The following SLC38A11 variants were observed in gnomAD, a reference collection of about 807,000 sequenced individuals.
The protein encoded by SLC38A11 is putative sodium-coupled neutral amino acid transporter 11.
A neutral mutation model predicts 49.4 loss-of-function variants in SLC38A11; 51 were observed. That is an observed-to-expected ratio of 1.03 (90% CI 0.83 to 1.30). The LOEUF (loss-of-function observed/expected upper bound fraction) is 1.30, where lower values mean the gene tolerates loss of function less well. Ranked by LOEUF, SLC38A11 falls within the 50% of genes most tolerant of loss-of-function variation. SLC38A11 has a pLI of 0.00. For missense variants in SLC38A11, 574 were observed against 556.2 expected (o/e 1.03, Z -0.32); for synonymous variants, 203 against 192.9 (o/e 1.05, Z -0.43).
rs772627240 is a variant in SLC38A11 at position 164,945,663 on chromosome 2, C to CAAAGACTG, written c.286_293dup (p.Leu98PhefsTer27). 4 of 1,610,984 alleles carry CAAAGACTG rather than the reference C, an allele frequency of 2.5e-6. No homozygotes were observed. Among genetic ancestry groups the CAAAGACTG allele is most frequent in the Non-Finnish European group, 2.5e-6 (3 of 1,179,254 alleles). On this transcript the variant is annotated frameshift_variant, in exon 4 of 12. Transcript: ENST00000685975. LOFTEE classifies it high-confidence loss of function. Reference sequence around the variant, plus strand: ...CTGGAAAGCCGAAAGTTTTATTGACCAAAGACTGGTAGGTATCTGTTCCAG... The same window carrying CAAAGACTG: ...CTGGAAAGCCGAAAGTTTTATTGACCAAAGACTGAAAGACTGGTAGGTATCTGTTCCAG...
intron 10 of SLC38A11, among the ~76,000 whole-genome samples, chr2:164,909,551 A>C (rs763891748): frequency 6.6e-6 from 1 of 151,336 alleles, no homozygotes; most frequent in Non-Finnish European, 1.5e-5. Context: ...GTCTCCTTAC[A>C]GTAATCTCCT....
At chr2:164,908,911 G>T in intron 10 of SLC38A11, 140 bp from the exon 11 acceptor site, 1 of 963,662 alleles carries the variant, frequency 1.0e-6, no homozygotes, top group Non-Finnish European at 1.5e-6. Context: ...CACTAGGAAT[G>T]TTCTATATTT....
At chr2:164,910,511 C>A (rs1249653843) in intron 10 of SLC38A11, among the ~76,000 whole-genome samples, 1 of 152,010 alleles carries the variant, frequency 6.6e-6, no homozygotes, top group East Asian at 1.9e-4. Flanking sequence ...AGAGAACTGG[C>A]CTGTGAGTTA....
chr2:164,955,289 G>T lies in SLC38A11; in HGVS notation c.-42C>A. ...TCAGCAGGTGGAAGATGCTGGGGCT[G>T]GGTACGGATTCGCACCCGGCCAGCC... is the stretch of plus-strand genomic sequence containing the variant. On this transcript the variant is annotated 5_prime_UTR_variant, in exon 1 of 12. Transcript: ENST00000685975. 2 of 1,544,992 alleles carry T rather than the reference G, an allele frequency of 1.3e-6. No individual in the cohort carries two copies. Among genetic ancestry groups the T allele is most frequent in the South Asian group, 1.2e-5 (1 of 83,932 alleles).
chr2:164,929,019 T>A (rs1331767484), intron 7 of SLC38A11, among the ~76,000 whole-genome samples: 1 of 152,150 alleles, frequency 6.6e-6, no homozygotes, highest in East Asian at 1.9e-4. Context: ...AGATGGTATT[T>A]TTTTAGAGCT....
At chr2:164,907,189 A>G (rs953731948) in intron 11 of SLC38A11, among the ~76,000 whole-genome samples, 1 of 151,716 alleles carries the variant, frequency 6.6e-6, no homozygotes, top group African/African-American at 2.4e-5. Flanking sequence ...TTCCCAATGG[A>G]ATCTGTGTCA....
chr2:164,923,175 A>T (rs577827585), intron 7 of SLC38A11, among the ~76,000 whole-genome samples: 1 of 152,332 alleles, frequency 6.6e-6, no homozygotes, highest in Non-Finnish European at 1.5e-5. Flanking sequence ...CGAGGAATTT[A>T]TGGCTAAGGC....
In SLC38A11 at chr2:164,915,096, G is replaced by C. The variant is rs748766527; in HGVS notation, c.850+16C>G. The C allele has an allele frequency of 1.3e-6, 2 of 1,597,792 alleles. No homozygotes were observed. Among genetic ancestry groups the C allele is most frequent in the Non-Finnish European group, 1.7e-6 (2 of 1,172,242 alleles). On this transcript the variant is annotated intron_variant, in intron 9 of 11. Coordinates refer to ENST00000685975, the MANE Select transcript of SLC38A11 (RefSeq NM_001351537.2). Reference sequence around the variant, plus strand: ...ACCAATGCACATGAACACTATAACTGAATCTCTCATTTTACCTTGGGTGAA... The same window carrying C: ...ACCAATGCACATGAACACTATAACTCAATCTCTCATTTTACCTTGGGTGAA...
chr2:164,918,389 A>C (rs1360512706), intron 7 of SLC38A11, among the ~76,000 whole-genome samples: 4 of 152,170 alleles, frequency 2.6e-5, no homozygotes, highest in Non-Finnish European at 5.9e-5. Flanking sequence ...GAAGGAAAGA[A>C]GCTTATGACC....
At chr2:164,898,769 A>G in intron 11 of SLC38A11, 39 bp from the exon 12 acceptor site, 1 of 1,568,708 alleles carries the variant, frequency 6.4e-7, no homozygotes, top group Non-Finnish European at 8.7e-7. Flanking sequence ...ATGTCACTAG[A>G]TGGAAACATT....
intron 7 of SLC38A11, among the ~76,000 whole-genome samples, chr2:164,918,311 A>T (rs1424596956): frequency 2.0e-5 from 3 of 152,086 alleles, no homozygotes; most frequent in Non-Finnish European, 4.4e-5. Flanking sequence ...ATATTAATAT[A>T]ATCAATATTT....
intron 3 of SLC38A11, among the ~76,000 whole-genome samples, chr2:164,947,543 C>A (rs1439806326): frequency 2.6e-5 from 4 of 152,134 alleles, no homozygotes; most frequent in Non-Finnish European, 5.9e-5. Flanking sequence ...AGACCCCCTT[C>A]AAAACTTCAG....
rs145219043 is a variant in SLC38A11, at chr2:164,898,066, A to AC, written c.*370dup. 34,531 of 112,882 alleles carry AC rather than the reference A, an allele frequency of 0.31. 4,864 individuals are homozygous for AC. The highest frequency in any genetic ancestry group is 0.5 in the South Asian group (1,800 of 3,572). 7.0% of individuals were successfully genotyped at this position (112,882 alleles called of 1,614,324 possible). On this transcript the variant is annotated 3_prime_UTR_variant, in exon 12 of 12. Transcript: ENST00000685975. Reference sequence around the variant, plus strand: ...GACAAAGAAAATGCCCACCCCCCACACCCCCCCACCAAAAGACATCTACAC... The same window carrying AC: ...GACAAAGAAAATGCCCACCCCCCACACCCCCCCCACCAAAAGACATCTACAC...
chr2:164,929,291 G>C (rs1321761966), intron 7 of SLC38A11, among the ~76,000 whole-genome samples: 2 of 152,040 alleles, frequency 1.3e-5, no homozygotes, highest in Non-Finnish European at 2.9e-5. Context: ...ACTGTCCTTT[G>C]GGATACCCTT....
At chr2:164,921,229 G>C (rs1028984919) in intron 7 of SLC38A11, among the ~76,000 whole-genome samples, 1 of 151,982 alleles carries the variant, frequency 6.6e-6, no homozygotes, top group Non-Finnish European at 1.5e-5. Flanking sequence ...AGGCTTAAAG[G>C]GTTGAAATAA....
intron 9 of SLC38A11, among the ~76,000 whole-genome samples, chr2:164,914,148 G>A (rs969802345): frequency 5.3e-5 from 8 of 152,036 alleles, no homozygotes; most frequent in African/African-American, 1.9e-4. Flanking sequence ...GCCAGCATGA[G>A]CAAGTTACTT....
At chr2:164,922,553 T>C (rs1686281676) in intron 7 of SLC38A11, among the ~76,000 whole-genome samples, 1 of 152,204 alleles carries the variant, frequency 6.6e-6, no homozygotes, top group Admixed American at 6.5e-5. Flanking sequence ...GGAATCACTC[T>C]GAACATTAAA....
intron 11 of SLC38A11, among the ~76,000 whole-genome samples, chr2:164,901,881 G>C (rs1426264289): frequency 6.6e-6 from 1 of 152,024 alleles, no homozygotes; most frequent in African/African-American, 2.4e-5. Flanking sequence ...TGTGATGTTA[G>C]CTGTAGGTTT....
intron 11 of SLC38A11, among the ~76,000 whole-genome samples, chr2:164,907,114 T>C (rs747533617): frequency 7.2e-5 from 11 of 152,124 alleles, no homozygotes; most frequent in Non-Finnish European, 1.2e-4. Context: ...CATTCCTGTC[T>C]TAGCAAATGA....
Sources: allele counts gnomAD v4.1 joint callset (sites outside exome capture counted in the v4.1 genomes callset), GRCh38; gene constraint gnomAD v4.1.1; transcripts MANE v1.5; gene names NCBI Gene and HGNC (gene_info 2026-07-23, HGNC 2026-07-21).